Variants in PTPN14 observed in about 807,000 individuals in gnomAD.
PTPN14 encodes the protein tyrosine-protein phosphatase non-receptor type 14.
In PTPN14, 53 loss-of-function variants were observed where a neutral mutation model predicts 126.8. The observed-to-expected ratio is 0.42, with a 90% CI of 0.34 to 0.53. PTPN14 has a LOEUF of 0.53. Ranked by LOEUF, PTPN14 falls within the 20% of genes least tolerant of loss-of-function variation. The probability of loss-of-function intolerance (pLI) is 0.08; values close to 1 mark genes in which losing one functional copy is unlikely to be tolerated. For synonymous variants in PTPN14, 630 were observed against 599.3 expected, an observed-to-expected ratio of 1.05 and a Z score of -0.75; for missense variants, 1,257 against 1,552.9, an observed-to-expected ratio of 0.81 and a Z score of 3.20.
chr1:214,522,140 G>A (rs1400530561), intron 1 of PTPN14, among the ~76,000 whole-genome samples: 2 of 151,812 alleles, frequency 1.3e-5, no homozygotes, highest in East Asian at 1.9e-4. Flanking sequence ...TCGCCATGTC[G>A]GCCAGGCTGA....
chr1:214,392,768 A>G (rs1658787203), intron 10 of PTPN14, among the ~76,000 whole-genome samples: 2 of 152,190 alleles, frequency 1.3e-5, no homozygotes, highest in African/African-American at 4.8e-5. Context: ...ACAGTGACCA[A>G]TTGCAGTGAC....
intron 1 of PTPN14, among the ~76,000 whole-genome samples, chr1:214,517,477 A>T (rs1325121955): frequency 7.0e-6 from 1 of 143,648 alleles, no homozygotes; most frequent in Non-Finnish European, 1.5e-5. Flanking sequence ...AAATTTAATG[A>T]GCATAATATT....
rs1045867721 is a variant in PTPN14, at chr1:214,364,433, G to C, written c.3435+79C>G. ...AGGAAATTAACCACTGAAAATGCAA[G>C]GGTGCAGGCAAAGGTTTGGCCAGGG... On this transcript the variant is annotated intron_variant, in intron 18 of 18. Transcript: ENST00000366956. This position sits in a 1 kb window ranked among gnomAD's most constrained non-coding sequence, Gnocchi z 4.1. 3.7e-5 allele frequency: 55 copies of C among 1,500,778 alleles called. No individual in the cohort carries two copies. The highest frequency in any genetic ancestry group is 4.8e-5 in the Non-Finnish European group (53 of 1,115,552). The allele number at this position is 1,500,778 out of a possible 1,614,324, so 93.0% of individuals were successfully genotyped here.
intron 2 of PTPN14, among the ~76,000 whole-genome samples, chr1:214,459,802 G>A (rs1660468399): frequency 6.6e-6 from 1 of 152,104 alleles, no homozygotes; most frequent in African/African-American, 2.4e-5. Flanking sequence ...GTGCTACTGA[G>A]TTCTTTACCT....
chr1:214,500,237 T>A (rs982615906), intron 1 of PTPN14, among the ~76,000 whole-genome samples: 16 of 152,076 alleles, frequency 1.1e-4, no homozygotes, highest in Non-Finnish European at 1.9e-4. Flanking sequence ...GTGGCAATTG[T>A]CAAAGACACC....
At chr1:214,519,535 T>C (rs962287180) in intron 1 of PTPN14, among the ~76,000 whole-genome samples, 1 of 152,204 alleles carries the variant, frequency 6.6e-6, no homozygotes, top group Admixed American at 6.5e-5. Context: ...CAGTTTCAGA[T>C]ACTAAAGCAC....
rs199872879 is a variant in PTPN14, at chr1:214,391,043, T to C, written c.932A>G (p.Gln311Arg). The C allele has an allele frequency of 3.8e-6, 6 of 1,582,096 alleles. No individual in the cohort carries two copies. The highest frequency in any genetic ancestry group is 2.6e-6 in the Non-Finnish European group (3 of 1,158,144). The change falls in exon 11 of 19, where the codon CAG (glutamine) becomes CGG (arginine). Residue 311 changes from glutamine to arginine, a missense_variant and splice_region_variant. By Grantham distance (43) the Gln-to-Arg change is conservative (BLOSUM62 1). This residue lies in a region of PTPN14 where 1,021 missense variants were observed against 1,183.3 expected (regional missense o/e 0.86). Transcript: ENST00000366956. Reference protein sequence around the residue: ...FYKQNKICTEQSNSPPPIRRQ... With the variant: ...FYKQNKICTERSNSPPPIRRQ... ...TCTGATGGGGGGTGGAGAATTTGAC[T>C]GTCTACATGAAGAGGTGAAAAAATG...
chr1:214,451,709 CCA>C, intron 3 of PTPN14, 94 bp downstream of exon 3: 1 of 1,417,924 alleles, frequency 7.1e-7, no homozygotes, highest in Non-Finnish European at 9.6e-7. Context: ...GCACCCACAC[CCA>C]CACACCCCTA....
At chr1:214,480,306 T>C (rs1197356703) in intron 1 of PTPN14, among the ~76,000 whole-genome samples, 1 of 152,262 alleles carries the variant, frequency 6.6e-6, no homozygotes, top group Non-Finnish European at 1.5e-5. Context: ...ATAAGATGAC[T>C]GAAACAATAT....
intron 1 of PTPN14, among the ~76,000 whole-genome samples, chr1:214,468,771 T>A (rs1660694460): frequency 6.6e-6 from 1 of 152,198 alleles, no homozygotes; most frequent in African/African-American, 2.4e-5. Context: ...ATGCCGATAG[T>A]AAACATGCTC....
chr1:214,384,659 C>A lies in PTPN14; in HGVS notation c.1196G>T (p.Cys399Phe), dbSNP rs539446074. 2 of 1,614,058 alleles carry A rather than the reference C, an allele frequency of 1.2e-6. No homozygotes were observed. The highest frequency in any genetic ancestry group is 2.7e-5 in the African/African-American group (2 of 74,992). Residue 399 changes from cysteine (C) to phenylalanine (F), a missense_variant, in exon 13 of 19, where the codon TGC becomes TTC. Transcript: ENST00000366956. The surrounding 1 kb of genome is among the most constrained non-coding windows in gnomAD (Gnocchi z 5.3). ...GGAGGCCTGGATGAAACTTTGCGAG[C>A]AGTTGAGGGAGTTGACGCTGTGAAC... Reference protein sequence around the residue: ...CSVHSVNSLNCSQSFIQASPV... With the variant: ...CSVHSVNSLNFSQSFIQASPV...
At chr1:214,498,282 T>C (rs963806452) in intron 1 of PTPN14, among the ~76,000 whole-genome samples, 1 of 152,178 alleles carries the variant, frequency 6.6e-6, no homozygotes, top group African/African-American at 2.4e-5. Flanking sequence ...CACACAAACA[T>C]GATACTGTAG....
chr1:214,362,000 T>C (rs963155687), intron 18 of PTPN14, among the ~76,000 whole-genome samples: 5 of 152,184 alleles, frequency 3.3e-5, no homozygotes, highest in African/African-American at 1.2e-4. Flanking sequence ...ACTGCATGAA[T>C]TACAGACTAA....
intron 3 of PTPN14, among the ~76,000 whole-genome samples, chr1:214,415,185 C>T (rs17022865): frequency 0.012 from 1,852 of 152,230 alleles, 45 homozygotes; most frequent in African/African-American, 0.042. Flanking sequence ...ATTTGTAATT[C>T]CACTAAAAAA....
intron 1 of PTPN14, among the ~76,000 whole-genome samples, chr1:214,487,518 C>G (rs1304485784): frequency 6.6e-6 from 1 of 151,660 alleles, no homozygotes; most frequent in Non-Finnish European, 1.5e-5. Flanking sequence ...CCCAGTTGCT[C>G]AGGAGGCTGA....
intron 13 of PTPN14, among the ~76,000 whole-genome samples, chr1:214,382,399 A>G (rs192755917): frequency 6.6e-6 from 1 of 152,264 alleles, no homozygotes; most frequent in Non-Finnish European, 1.5e-5. Context: ...ATAGGTCACT[A>G]AAGCCTTGAA....
At chr1:214,399,037 G>A (rs970493312) in intron 7 of PTPN14, among the ~76,000 whole-genome samples, 12 of 152,192 alleles carry the variant, frequency 7.9e-5, no homozygotes, top group South Asian at 2.1e-4. Context: ...AAAGTGCTGG[G>A]ATTACAGGCG....
chr1:214,464,778 C>T lies in PTPN14; in HGVS notation c.26G>A (p.Arg9Gln), dbSNP rs1660591669. Residue 9 changes from arginine to glutamine, a missense_variant, in exon 2 of 19, where the codon CGG (arginine) becomes CAG (glutamine). Transcript: ENST00000366956. ...GCTCAGGACGTTGTAGCGCCGTGTCCGGCGGAGCTTCAGACCAAAAGGCAT... is the reference window on the plus strand; with the variant it reads ...GCTCAGGACGTTGTAGCGCCGTGTCTGGCGGAGCTTCAGACCAAAAGGCAT... MPFGLKLR[R>Q]TRRYNVLSKN... 3 of 1,614,136 alleles carry T rather than the reference C, an allele frequency of 1.9e-6. No homozygotes were observed. The highest frequency in any genetic ancestry group is 1.3e-5 in the African/African-American group (1 of 74,946).
At chr1:214,389,172 T>C (rs937030680) in intron 11 of PTPN14, among the ~76,000 whole-genome samples, 1 of 152,204 alleles carries the variant, frequency 6.6e-6, no homozygotes, top group African/African-American at 2.4e-5. Context: ...GGGAGGGATT[T>C]GTACAAGGGA....
Sources: gnomAD v4.1 joint callset for allele counts (sites outside exome capture counted in the v4.1 genomes callset) on GRCh38, gnomAD v4.1.1 for gene constraint, gnomAD v4.1.1 regional missense constraint, Gnocchi (gnomAD v3.1) non-coding constraint, MANE v1.5 for transcripts, NCBI Gene and HGNC (gene_info 2026-07-23, HGNC 2026-07-21) for gene names.